Variants in TNN observed in about 807,000 individuals in gnomAD.
TNN encodes the protein tenascin-N.
TNN carries 122 observed loss-of-function variants against 134.4 expected under a neutral mutation model. That is an observed-to-expected ratio of 0.91 (90% CI 0.78 to 1.06). TNN has a LOEUF of 1.06. TNN is among the 50% of genes least tolerant of loss of function. The probability of loss-of-function intolerance (pLI) is 0.00; values close to 1 mark genes in which losing one functional copy is unlikely to be tolerated. For synonymous variants in TNN, 710 were observed against 670.3 expected (o/e 1.06, Z -0.91); for missense variants, 1,739 against 1,699.4 (o/e 1.02, Z -0.41).
intron 10 of TNN, 57 bp from the exon 11 acceptor site, chr1:175,118,504 G>T (rs1162358675): frequency 1.3e-6 from 2 of 1,597,750 alleles, no homozygotes; most frequent in Non-Finnish European, 1.7e-6. Context: ...ATGACCACCA[G>T]TTTCTGCACT....
intron 7 of TNN, among the ~76,000 whole-genome samples, chr1:175,094,916 G>A (rs890685067): frequency 1.3e-5 from 2 of 152,172 alleles, no homozygotes; most frequent in Non-Finnish European, 2.9e-5. Context: ...GAAAGGCTTC[G>A]CTTATTGTTT....
At chr1:175,122,535 G>C (rs1675406207) in intron 11 of TNN, among the ~76,000 whole-genome samples, 1 of 88,080 alleles carries the variant, frequency 1.1e-5, no homozygotes, top group Non-Finnish European at 2.5e-5. Flanking sequence ...AGGGTTGAGA[G>C]TGTTTCAAGA....
chr1:175,079,618 G>A lies in TNN; in HGVS notation c.695G>A (p.Arg232His), dbSNP rs768002782. 3.1e-6 allele frequency: 5 copies of A among 1,601,680 alleles called. No homozygotes were observed. The highest frequency in any genetic ancestry group is 1.3e-5 in the African/African-American group (1 of 74,598). The change falls in exon 3 of 19, where the codon CGC (arginine) becomes CAC (histidine). Residue 232 changes from arginine (R) to histidine (H), a missense_variant. Arg to His is a conservative substitution (Grantham distance 29). Coordinates refer to ENST00000239462, the MANE Select transcript of TNN (RefSeq NM_022093.2). ...DFMSEDCSEKRCPGDCSGHGF... is the reference protein window; with the variant it reads ...DFMSEDCSEKHCPGDCSGHGF... ...ATGTCGGAGGACTGCAGCGAGAAGC[G>A]CTGTCCCGGCGACTGCAGCGGCCAC...
chr1:175,147,372 C>T lies in TNN; in HGVS notation c.*301C>T, dbSNP rs949336485. ...TGGATTAGGGCAAGAGAAGGAATCA[C>T]CCAGCACTTCACCAGTTGGAAATCT... On this transcript the variant is annotated 3_prime_UTR_variant, in exon 19 of 19. Transcript: ENST00000239462. 3.7e-6 allele frequency: 1 copy of T among 271,406 alleles called. No homozygotes were observed. The highest frequency in any genetic ancestry group is 5.3e-5 in the Admixed American group (1 of 18,866). 16.8% of individuals were successfully genotyped at this position (271,406 alleles called of 1,614,324 possible). A position where few individuals can be genotyped will look rare whatever the true frequency, so the allele number is the denominator to read the frequency against.
rs1467617834 is a variant in TNN at position 175,147,816 on chromosome 1, C to G, written c.*745C>G. 1 of 152,236 alleles carries G rather than the reference C, an allele frequency of 6.6e-6. No individual in the cohort carries two copies. Among genetic ancestry groups the G allele is most frequent in the Non-Finnish European group, 1.5e-5 (1 of 68,054 alleles). 9.4% of individuals were successfully genotyped at this position (152,236 alleles called of 1,614,324 possible). On this transcript the variant is annotated 3_prime_UTR_variant, in exon 19 of 19. Coordinates refer to ENST00000239462, the MANE Select transcript of TNN (RefSeq NM_022093.2). Reference sequence around the variant, plus strand: ...CTTGATAATTGGTTCCTCCCAAAGACTCTTCTGCAACTCCCATTCATGCCC... The same window carrying G: ...CTTGATAATTGGTTCCTCCCAAAGAGTCTTCTGCAACTCCCATTCATGCCC...
At chr1:175,110,010 A>G (rs1034442399) in intron 9 of TNN, among the ~76,000 whole-genome samples, 3 of 152,298 alleles carry the variant, frequency 2.0e-5, no homozygotes, top group Middle Eastern at 3.4e-3. Flanking sequence ...CATCCTCACC[A>G]GTACCTGTTA....
chr1:175,134,163 C>T (rs1207300759), intron 15 of TNN, among the ~76,000 whole-genome samples: 1 of 152,166 alleles, frequency 6.6e-6, no homozygotes, highest in Non-Finnish European at 1.5e-5. Flanking sequence ...AACTCCAGCC[C>T]TTACATCCAA....
Position 175,136,897 on chromosome 1 carries a change from T to C in TNN, c.3504T>C (p.Asn1168=). ...TGAGAGTGGATTTACAGACTGCCAA[T>C]GAATCTGCCTATGCTATATATGATT... is the stretch of plus-strand genomic sequence containing the variant. ...YEVRVDLQTA[N]ESAYAIYDFF... Residue 1168 remains asparagine, a synonymous_variant, in exon 17 of 19, where the codon AAT becomes AAC. Transcript: ENST00000239462. The C allele has an allele frequency of 1.9e-6, 3 of 1,614,216 alleles. No homozygotes were observed. Among genetic ancestry groups the C allele is most frequent in the Non-Finnish European group, 2.5e-6 (3 of 1,180,040 alleles).
chr1:175,122,375 G>A (rs930206271), intron 11 of TNN, among the ~76,000 whole-genome samples: 6 of 152,116 alleles, frequency 3.9e-5, no homozygotes, highest in Non-Finnish European at 4.4e-5. Context: ...GTGAAAGACC[G>A]AGACTCTGTA....
chr1:175,131,172 T>A (rs146103551), intron 15 of TNN, among the ~76,000 whole-genome samples: 3 of 152,226 alleles, frequency 2.0e-5, no homozygotes, highest in African/African-American at 7.2e-5. Context: ...ATCTGAAGAA[T>A]AGGCCAGAAG....
intron 9 of TNN, among the ~76,000 whole-genome samples, chr1:175,115,207 C>A (rs988705020): frequency 6.6e-6 from 1 of 152,102 alleles, no homozygotes; most frequent in Non-Finnish European, 1.5e-5. Context: ...GGCACTGATT[C>A]CCCAGTGGGC....
Position 175,079,682 on chromosome 1 carries a change from CT to C in TNN, c.761del (p.Phe254SerfsTer27), listed in dbSNP as rs1428503144. 5.0e-6 allele frequency: 8 copies of C among 1,606,252 alleles called. No individual in the cohort carries two copies. In the East Asian group the frequency reaches 1.8e-4, roughly 36 times the overall value. On this transcript the variant is annotated frameshift_variant, in exon 3 of 19. Transcript: ENST00000239462. LOFTEE classifies it high-confidence loss of function. Reference protein sequence around the residue: ...DTGECYCEEGFTGLDCAQVVT... With the variant: ...DTGECYCEEGXTGLDCAQVVT... The stretch of plus-strand genomic sequence containing the variant: ...CGGGCGAGTGCTACTGCGAGGAGGG[CT>C]TCACAGGCCTGGACTGTGCCCAGGG...
In TNN at chr1:175,144,373, C is replaced by T. The variant is rs1178383774; in HGVS notation, c.3596-14C>T. The T allele has an allele frequency of 1.9e-6, 3 of 1,612,942 alleles. No individual in the cohort carries two copies. Among genetic ancestry groups the T allele is most frequent in the Non-Finnish European group, 2.5e-6 (3 of 1,179,232 alleles). ...TAACCCTGGGCTCTCGCCTCCGTCT[C>T]TTCTCTCCTGCAGGGGATGCTCTTA... On this transcript the variant is annotated splice_polypyrimidine_tract_variant and intron_variant, in intron 17 of 18. Coordinates refer to ENST00000239462, the MANE Select transcript of TNN (RefSeq NM_022093.2).
intron 15 of TNN, among the ~76,000 whole-genome samples, chr1:175,134,809 T>C (rs1675756731): frequency 6.6e-6 from 1 of 151,936 alleles, no homozygotes; most frequent in African/African-American, 2.4e-5. Flanking sequence ...ATCTGCACTC[T>C]ACAGTGGTCT....
chr1:175,132,075 G>A (rs1248414342), intron 15 of TNN, among the ~76,000 whole-genome samples: 1 of 152,002 alleles, frequency 6.6e-6, no homozygotes, highest in Non-Finnish European at 1.5e-5. Flanking sequence ...CCTTGTGGTG[G>A]GAACGTGATT....
In TNN at chr1:175,141,713, G is replaced by A. The variant is rs575830514; in HGVS notation, c.3596-2674G>A. ...TTTCCCAACCTGGTGAATCCTAGAG[G>A]GGGAGAGTGGGCCTCAGAGGGACAT... is the stretch of plus-strand genomic sequence containing the variant. On this transcript the variant is annotated intron_variant, in intron 17 of 18. Coordinates refer to ENST00000239462, the MANE Select transcript of TNN (RefSeq NM_022093.2). 7.2e-5 allele frequency among the ~76,000 whole-genome samples: 11 copies of A among 152,288 alleles called. No homozygotes were observed. The East Asian group carries it at 1.7e-3, about 24-fold the overall frequency.
rs749007539 is a variant in TNN, at chr1:175,116,925, AT to A, written c.2120-4del. ...AGTTCATAGTGTTCATTGATCAGCA[AT>A]TTTTTTTTTCAGACATTGACAGCCC... is the stretch of plus-strand genomic sequence containing the variant. On this transcript the variant is annotated splice_polypyrimidine_tract_variant and intron_variant, in intron 9 of 18. Transcript: ENST00000239462. 5.5e-5 allele frequency: 85 copies of A among 1,549,520 alleles called. No homozygotes were observed. Among genetic ancestry groups the A allele is most frequent in the Middle Eastern group, 1.7e-4 (1 of 5,870 alleles).
At chr1:175,070,858 C>A (rs756208823) in intron 1 of TNN, among the ~76,000 whole-genome samples, 53 of 152,220 alleles carry the variant, frequency 3.5e-4, no homozygotes, top group Non-Finnish European at 6.6e-4. Flanking sequence ...TGTCCTGGAC[C>A]AGGTTACTTG....
At chr1:175,092,451 G>A (rs537662574) in intron 6 of TNN, among the ~76,000 whole-genome samples, 1 of 152,126 alleles carries the variant, frequency 6.6e-6, no homozygotes, top group Middle Eastern at 3.2e-3. Context: ...GTCTCACAAG[G>A]CAATAGTTCA....
Sources: allele counts gnomAD v4.1 joint callset (sites outside exome capture counted in the v4.1 genomes callset), GRCh38; gene constraint gnomAD v4.1.1; transcripts MANE v1.5; gene names NCBI Gene and HGNC (gene_info 2026-07-23, HGNC 2026-07-21).